TRPC1: variants seen among roughly 807,000 people sequenced by gnomAD.
TRPC1 encodes short transient receptor potential channel 1.
Under a neutral mutation model 88.2 loss-of-function variants are expected in TRPC1, and 42 were observed. That is an observed-to-expected ratio of 0.48 (90% CI 0.37 to 0.62). The LOEUF is 0.62. Ranked by LOEUF, TRPC1 falls within the 20% of genes least tolerant of loss-of-function variation. The probability of loss-of-function intolerance (pLI) is 0.00; values close to 1 mark genes in which losing one functional copy is unlikely to be tolerated. For synonymous variants in TRPC1, 288 were observed against 331.8 expected (o/e 0.87, Z 1.43); for missense variants, 699 against 957.3 (o/e 0.73, Z 3.56).
intron 4 of TRPC1, among the ~76,000 whole-genome samples, chr3:142,763,985 C>CACAT (rs1470731027): frequency 4.2e-5 from 1 of 23,874 alleles, no homozygotes; most frequent in Non-Finnish European, 7.8e-5. Flanking sequence ...TATATATATA[C>CACAT]ACATACATAC....
intron 4 of TRPC1, among the ~76,000 whole-genome samples, chr3:142,773,115 C>T (rs1244592159): frequency 1.3e-5 from 2 of 152,298 alleles, no homozygotes; most frequent in East Asian, 1.9e-4. Flanking sequence ...GACAGAACTT[C>T]AGCATATGAA....
chr3:142,731,374 A>ATTTT (rs59613066), intron 1 of TRPC1, among the ~76,000 whole-genome samples: 14 of 79,524 alleles, frequency 1.8e-4, no homozygotes, highest in Non-Finnish European at 2.4e-4. Context: ...ATATGTTTTG[A>ATTTT]TTTTTTTTTT....
At chr3:142,744,308 T>C (rs1219388760) in intron 3 of TRPC1, among the ~76,000 whole-genome samples, 2 of 152,060 alleles carry the variant, frequency 1.3e-5, no homozygotes, top group Non-Finnish European at 2.9e-5. Flanking sequence ...ATGCTACTAG[T>C]GAGGCAGGTA....
intron 7 of TRPC1, among the ~76,000 whole-genome samples, chr3:142,787,691 A>T (rs1192691834): frequency 6.6e-6 from 1 of 152,222 alleles, no homozygotes; most frequent in African/African-American, 2.4e-5. Context: ...AAAGCCAAAT[A>T]AAACCATCAA....
intron 5 of TRPC1, 22 bp downstream of exon 5, chr3:142,777,785 A>G (rs201269621): frequency 4.4e-5 from 71 of 1,595,946 alleles, no homozygotes; most frequent in Non-Finnish European, 5.8e-5. Flanking sequence ...TGCAAATTAT[A>G]TAATGTATTT....
rs57709436 is a variant in TRPC1, at chr3:142,763,983, TAC to T, written c.633-13645_633-13644del. Among the ~76,000 whole-genome samples the T allele has an allele frequency of 2.8e-3, 207 of 74,246 alleles. 19 individuals carry two copies. The highest frequency in any genetic ancestry group is 0.012 in the African/African-American group (186 of 15,532). 48.7% of individuals were successfully genotyped at this position (74,246 alleles called of 152,430 possible). On this transcript the variant is annotated intron_variant, in intron 4 of 12. Transcript: ENST00000476941. Reference sequence around the variant, plus strand: ...AAATATATATATATATATATATATATACACATACATACATACATATATATATA... The same window carrying T: ...AAATATATATATATATATATATATATACATACATACATACATATATATATA...
rs1159520441 is a variant in TRPC1 at position 142,763,959 on chromosome 3, AAT to A, written c.633-13649_633-13648del. Among the ~76,000 whole-genome samples, 118 of 76,290 alleles carry A rather than the reference AAT, an allele frequency of 1.5e-3. 4 individuals are homozygous for A. Among genetic ancestry groups the A allele is most frequent in the South Asian group, 2.2e-3 (7 of 3,168 alleles). The allele number at this position is 76,290 out of a possible 152,430, so 50.0% of individuals were successfully genotyped here. ...GCGAGACTCCGTCTCAAAAAAAAGA[AAT>A]ATATATATATATATATATATATACA... On this transcript the variant is annotated intron_variant, in intron 4 of 12. Coordinates refer to ENST00000476941, the MANE Select transcript of TRPC1 (RefSeq NM_001251845.2).
chr3:142,769,415 A>C (rs749874938), intron 4 of TRPC1, among the ~76,000 whole-genome samples: 50 of 152,102 alleles, frequency 3.3e-4, no homozygotes, highest in Admixed American at 7.9e-4. Context: ...CTGGTCTTGA[A>C]CTACTGGCCT....
At chr3:142,779,506 G>A (rs531355647) in intron 5 of TRPC1, among the ~76,000 whole-genome samples, 1 of 152,288 alleles carries the variant, frequency 6.6e-6, no homozygotes. Context: ...CCAGTCTGCA[G>A]TTAGATTCCT....
At chr3:142,768,899 C>T (rs188411595) in intron 4 of TRPC1, among the ~76,000 whole-genome samples, 2 of 152,028 alleles carry the variant, frequency 1.3e-5, no homozygotes, top group African/African-American at 4.8e-5. Context: ...CACAATAATG[C>T]AGTATTATAA....
At chr3:142,770,679 A>G (rs527355129) in intron 4 of TRPC1, among the ~76,000 whole-genome samples, 2 of 152,220 alleles carry the variant, frequency 1.3e-5, no homozygotes, top group East Asian at 3.9e-4. Context: ...TGTTATTGAT[A>G]GTTGGATTTA....
chr3:142,726,481 T>TG (rs1031682311), intron 1 of TRPC1, among the ~76,000 whole-genome samples: 32 of 151,990 alleles, frequency 2.1e-4, no homozygotes, highest in African/African-American at 7.7e-4. Flanking sequence ...GACTTGGCTT[T>TG]GGGGGGGTAG....
At chr3:142,756,790 G>C (rs1934982716) in intron 4 of TRPC1, among the ~76,000 whole-genome samples, 1 of 151,972 alleles carries the variant, frequency 6.6e-6, no homozygotes, top group South Asian at 2.1e-4. Flanking sequence ...TTCTTGTTGA[G>C]GTAAAATATA....
rs1176373245 is a variant in TRPC1 at position 142,776,956 on chromosome 3, A to C, written c.633-676A>C. On this transcript the variant is annotated intron_variant, in intron 4 of 12. Transcript: ENST00000476941. The surrounding 1 kb of genome is among the most constrained non-coding windows in gnomAD (Gnocchi z 4.1). The stretch of plus-strand genomic sequence containing the variant: ...TTACTGAGAGAGAAAGAAAAGATTT[A>C]TTAGTCATCAAATCCACATCATATT... Among the ~76,000 whole-genome samples the C allele has an allele frequency of 6.6e-6, 1 of 152,142 alleles. No homozygotes were observed. Among genetic ancestry groups the C allele is most frequent in the Non-Finnish European group, 1.5e-5 (1 of 68,022 alleles).
At chr3:142,769,989 CTGT>C (rs1193891773) in intron 4 of TRPC1, among the ~76,000 whole-genome samples, 1 of 151,460 alleles carries the variant, frequency 6.6e-6, no homozygotes, top group Admixed American at 6.6e-5. Context: ...AAGTCTTCAA[CTGT>C]TGTTGTTCAT....
chr3:142,748,594 C>A, intron 4 of TRPC1, 134 bp downstream of exon 4: 1 of 849,136 alleles, frequency 1.2e-6, no homozygotes, highest in Non-Finnish European at 1.8e-6. Flanking sequence ...AAACTTGTAG[C>A]TCCTTTGTTT....
At chr3:142,748,206 T>G in intron 3 of TRPC1, 52 bp from the exon 4 acceptor site, 1 of 1,422,376 alleles carries the variant, frequency 7.0e-7, no homozygotes, top group South Asian at 1.2e-5. Flanking sequence ...GATAAATATA[T>G]TTTTTGAAGT....
intron 1 of TRPC1, among the ~76,000 whole-genome samples, chr3:142,727,855 G>C (rs1165607291): frequency 6.6e-6 from 1 of 152,100 alleles, no homozygotes; most frequent in Admixed American, 6.6e-5. Flanking sequence ...TTGAGAATTA[G>C]TGTCATAATG....
At chr3:142,781,111 A>C (rs1186154136) in intron 6 of TRPC1, 82 bp downstream of exon 6, 1 of 1,166,194 alleles carries the variant, frequency 8.6e-7, no homozygotes, top group Non-Finnish European at 1.2e-6. Context: ...GGAGTAACTC[A>C]TCTGGGTTAA....
Sources: gnomAD v4.1 joint callset for allele counts (sites outside exome capture counted in the v4.1 genomes callset) on GRCh38, gnomAD v4.1.1 for gene constraint, Gnocchi (gnomAD v3.1) non-coding constraint, MANE v1.5 for transcripts, NCBI Gene and HGNC (gene_info 2026-07-23, HGNC 2026-07-21) for gene names.